The following LEKR1 variants were observed in gnomAD, a reference collection of about 807,000 sequenced individuals.
LEKR1 encodes protein LEKR1.
In LEKR1, 59 loss-of-function variants were observed where a neutral mutation model predicts 72.4. That is an observed-to-expected ratio of 0.82 (90% confidence interval 0.66 to 1.01). The LOEUF (loss-of-function observed/expected upper bound fraction) is 1.01, where lower values mean the gene tolerates loss of function less well. LEKR1 is among the 50% of genes least tolerant of loss of function. LEKR1 has a pLI of 0.00. For synonymous variants in LEKR1, 257 were observed against 263.2 expected, an observed-to-expected ratio of 0.98 and a Z score of 0.23; for missense variants, 728 against 759.2, an observed-to-expected ratio of 0.96 and a Z score of 0.48.
At chr3:156,929,902 T>A (rs1338644161) in intron 5 of LEKR1, among the ~76,000 whole-genome samples, 1 of 152,184 alleles carries the variant, frequency 6.6e-6, no homozygotes, top group African/African-American at 2.4e-5. Flanking sequence ...CATAGTTATT[T>A]GAAGTGGCTT....
At position 156,970,487 on chromosome 3, in the gene LEKR1, A is replaced by G. The variant is rs866729811; in HGVS notation, c.746-8707A>G. On this transcript the variant is annotated intron_variant, in intron 6 of 12. Coordinates refer to ENST00000356539, the MANE Select transcript of LEKR1 (RefSeq NM_001004316.3). ...GGTCTAACGTTTAAGTCTTTAATCC[A>G]TCTTGAATTGATTTTTGTATAAGGT... Among the ~76,000 whole-genome samples, 177 of 152,234 alleles carry G rather than the reference A, an allele frequency of 1.2e-3. 2 individuals are homozygous for G. The highest frequency in any genetic ancestry group is 4.2e-3 in the African/African-American group (174 of 41,542).
intron 12 of LEKR1, among the ~76,000 whole-genome samples, chr3:157,040,894 C>G (rs1368103571): frequency 6.6e-6 from 1 of 152,078 alleles, no homozygotes; most frequent in Non-Finnish European, 1.5e-5. Flanking sequence ...TCAGAACAAT[C>G]AAGTTACACA....
At chr3:156,991,952 T>C (rs534793995) in intron 7 of LEKR1, among the ~76,000 whole-genome samples, 4 of 152,338 alleles carry the variant, frequency 2.6e-5, no homozygotes, top group Admixed American at 2.0e-4. Context: ...AAAATATTGT[T>C]GTCGTTGTTA....
At chr3:156,855,504 T>G (rs1428701771) in intron 3 of LEKR1, among the ~76,000 whole-genome samples, 1 of 152,206 alleles carries the variant, frequency 6.6e-6, no homozygotes, top group Non-Finnish European at 1.5e-5. Context: ...GTGCTTTTAA[T>G]ATAATATTGG....
chr3:156,901,320 A>G (rs1260268045), intron 3 of LEKR1, among the ~76,000 whole-genome samples: 2 of 152,120 alleles, frequency 1.3e-5, no homozygotes, highest in African/African-American at 4.8e-5. Flanking sequence ...GGACACGCAA[A>G]GAAGCAGCTG....
intron 6 of LEKR1, among the ~76,000 whole-genome samples, chr3:156,946,694 C>G (rs1012241264): frequency 6.6e-6 from 1 of 151,254 alleles, no homozygotes; most frequent in Non-Finnish European, 1.5e-5. Context: ...TCAACTGAAA[C>G]GATCCTATGA....
intron 6 of LEKR1, among the ~76,000 whole-genome samples, chr3:156,962,728 A>G (rs1288306265): frequency 5.3e-5 from 8 of 152,194 alleles, no homozygotes; most frequent in Non-Finnish European, 7.3e-5. Flanking sequence ...TATAATGATC[A>G]TAGGCATCTA....
At chr3:156,953,050 C>G (rs1354008173) in intron 6 of LEKR1, among the ~76,000 whole-genome samples, 2 of 150,906 alleles carry the variant, frequency 1.3e-5, no homozygotes, top group South Asian at 2.1e-4. Context: ...TACTTGTACT[C>G]TCTATAAATT....
At chr3:156,867,539 A>G (rs888436436) in intron 3 of LEKR1, among the ~76,000 whole-genome samples, 2 of 151,490 alleles carry the variant, frequency 1.3e-5, no homozygotes, top group Admixed American at 6.6e-5. Context: ...TACCCATTTG[A>G]TTTTTCTCTT....
At chr3:157,017,509 G>C (rs1254555561) in intron 10 of LEKR1, 1 of 152,172 alleles carries the variant, frequency 6.6e-6, no homozygotes, top group African/African-American at 2.4e-5. Context: ...TTCCTTGATA[G>C]AGGAGAACCA....
Position 156,977,387 on chromosome 3 carries a change from C to A in LEKR1, c.746-1807C>A, listed in dbSNP as rs570288722. On this transcript the variant is annotated intron_variant, in intron 6 of 12. Coordinates refer to ENST00000356539, the MANE Select transcript of LEKR1 (RefSeq NM_001004316.3). ...CTATAGCATAGGAAAAAAAATTGAACCTGTGATCAAACAACAGAGGACAGA... is the reference window on the plus strand; with the variant it reads ...CTATAGCATAGGAAAAAAAATTGAAACTGTGATCAAACAACAGAGGACAGA... 5.9e-5 allele frequency among the ~76,000 whole-genome samples: 9 copies of A among 152,214 alleles called. No individual in the cohort carries two copies. In the South Asian group the frequency reaches 1.7e-3, roughly 28 times the overall value.
chr3:156,839,953 A>G (rs1024026620), intron 2 of LEKR1, among the ~76,000 whole-genome samples: 4 of 152,026 alleles, frequency 2.6e-5, no homozygotes, highest in African/African-American at 9.7e-5. Flanking sequence ...CTCCCCTTCC[A>G]CTTTCTCCAC....
rs1222917033 is a variant in LEKR1, at chr3:156,992,677, CTG to C, written c.854_855del (p.Cys285SerfsTer5). On this transcript the variant is annotated frameshift_variant, in exon 8 of 13. Coordinates refer to ENST00000356539, the MANE Select transcript of LEKR1 (RefSeq NM_001004316.3). LOFTEE classifies it high-confidence loss of function. ...GGAATAAATCTAATGAAGCTGATGA[CTG>C]TCAAAGAGAACTTAAAAAACTGAAG... ...LMNKSNEADDCQRELKKLKFE... is the reference protein window; with the variant it reads ...LMNKSNEADDXQRELKKLKFE... 5 of 996,140 alleles carry C rather than the reference CTG, an allele frequency of 5.0e-6. No individual in the cohort carries two copies. Among genetic ancestry groups the C allele is most frequent in the African/African-American group, 1.8e-5 (1 of 57,094 alleles). The allele number at this position is 996,140 out of a possible 1,614,324, so 61.7% of individuals were successfully genotyped here.
intron 6 of LEKR1, among the ~76,000 whole-genome samples, chr3:156,943,755 G>A (rs1226923724): frequency 6.6e-6 from 1 of 151,858 alleles, no homozygotes; most frequent in East Asian, 1.9e-4. Flanking sequence ...AGTCTTTAAT[G>A]ATGGGAGCAT....
At position 156,829,388 on chromosome 3, in the gene LEKR1, T is replaced by C. The variant is rs1560008026; in HGVS notation, c.48+11T>C. ...GAAGAAATCCAAAAGGTATGATATA[T>C]TGTGTTGCTACAGCCTAACAGTGGG... is the stretch of plus-strand genomic sequence containing the variant. On this transcript the variant is annotated intron_variant, in intron 2 of 12. Transcript: ENST00000356539. 29 of 1,526,588 alleles carry C rather than the reference T, an allele frequency of 1.9e-5. No homozygotes were observed. The highest frequency in any genetic ancestry group is 2.5e-5 in the Non-Finnish European group (29 of 1,139,378). 94.6% of individuals were successfully genotyped at this position (1,526,588 alleles called of 1,614,324 possible).
chr3:157,018,283 TA>T (rs1393223241), intron 10 of LEKR1, among the ~76,000 whole-genome samples: 2 of 152,206 alleles, frequency 1.3e-5, no homozygotes, highest in African/African-American at 4.8e-5. Flanking sequence ...GAAAATGGTA[TA>T]AATTTATTAA....
chr3:156,969,873 G>A (rs184312556), intron 6 of LEKR1, among the ~76,000 whole-genome samples: 159 of 152,220 alleles, frequency 1.0e-3, no homozygotes, highest in African/African-American at 3.6e-3. Context: ...AAAATCCTCA[G>A]TAAAATACTG....
intron 3 of LEKR1, among the ~76,000 whole-genome samples, chr3:156,919,848 C>T (rs1018479302): frequency 5.9e-5 from 9 of 152,114 alleles, no homozygotes; most frequent in African/African-American, 2.2e-4. Context: ...GTAAATTTTA[C>T]TTTTCATGTT....
At chr3:156,999,936 C>T (rs1731880652) in intron 9 of LEKR1, among the ~76,000 whole-genome samples, 1 of 152,184 alleles carries the variant, frequency 6.6e-6, no homozygotes, top group Non-Finnish European at 1.5e-5. Flanking sequence ...TTGGGTCTGA[C>T]CTTATAACTC....
Sources: allele counts gnomAD v4.1 joint callset (sites outside exome capture counted in the v4.1 genomes callset), GRCh38; gene constraint gnomAD v4.1.1; transcripts MANE v1.5; gene names NCBI Gene and HGNC (gene_info 2026-07-23, HGNC 2026-07-21).